AFF4: variants seen among roughly 807,000 people sequenced by gnomAD.
The protein encoded by AFF4 is ALF transcription elongation factor 4.
A neutral mutation model predicts 124.8 loss-of-function variants in AFF4; 13 were observed. The ratio of observed to expected loss-of-function variants is 0.10; its 90% CI spans 0.07 to 0.17. The LOEUF (loss-of-function observed/expected upper bound fraction) is 0.17. Among genes scored for constraint, AFF4 ranks in the 10% least tolerant of loss-of-function variants. The probability of loss-of-function intolerance (pLI) is 1.00; values close to 1 mark genes in which losing one functional copy is unlikely to be tolerated. For synonymous variants in AFF4, 477 were observed against 496.1 expected (o/e 0.96, Z 0.51); for missense variants, 1,092 against 1,403.8 (o/e 0.78, Z 3.55).
At chr5:132,946,465 A>G (rs1195863523) in intron 1 of AFF4, among the ~76,000 whole-genome samples, 2 of 152,252 alleles carry the variant, frequency 1.3e-5, no homozygotes. Flanking sequence ...AATGTGGTAT[A>G]TATACACACA....
chr5:132,888,928 C>T, intron 14 of AFF4, 151 bp downstream of exon 14: 1 of 640,786 alleles, frequency 1.6e-6, no homozygotes. Context: ...AAACTCCTGA[C>T]CTCGTGATCT....
chr5:132,949,209 CTT>C (rs368713051), intron 1 of AFF4, among the ~76,000 whole-genome samples: 2,763 of 112,118 alleles, frequency 0.025, 106 homozygotes, highest in East Asian at 0.23. Context: ...TTATTTCTGC[CTT>C]TTTTTTTTTT....
chr5:132,881,114 C>T lies in AFF4; in HGVS notation c.3437G>A (p.Arg1146His), dbSNP rs754390522. The T allele has an allele frequency of 4.3e-6, 7 of 1,614,174 alleles. No individual in the cohort carries two copies. The highest frequency in any genetic ancestry group is 4.5e-5 in the East Asian group (2 of 44,880). Residue 1146 changes from arginine (R) to histidine (H), a missense_variant, in exon 21 of 21, where the codon CGT (arginine) becomes CAT (histidine). Arg to His is a conservative substitution (Grantham distance 29). Coordinates refer to ENST00000265343, the MANE Select transcript of AFF4 (RefSeq NM_014423.4). Reference protein sequence around the residue: ...FNASIMTDLVRYTRQGLHWLR... With the variant: ...FNASIMTDLVHYTRQGLHWLR... ...CCAGTGCAGTCCCTGCCGGGTATAA[C>T]GAACTAGATCTGTCATGATGCTTGC...
chr5:132,933,674 G>C (rs1247008640), intron 3 of AFF4, among the ~76,000 whole-genome samples: 3 of 152,158 alleles, frequency 2.0e-5, no homozygotes, highest in Non-Finnish European at 4.4e-5. Flanking sequence ...AGTATAACCA[G>C]AGAAAAGGAT....
intron 4 of AFF4, among the ~76,000 whole-genome samples, chr5:132,931,063 C>T (rs1282083438): frequency 4.8e-5 from 7 of 144,612 alleles, no homozygotes; most frequent in South Asian, 2.2e-4. Flanking sequence ...GCTGAGATCA[C>T]GCCACTGCAC....
At chr5:132,915,700 T>A (rs1760893438) in intron 5 of AFF4, among the ~76,000 whole-genome samples, 1 of 151,444 alleles carries the variant, frequency 6.6e-6, no homozygotes, top group African/African-American at 2.4e-5. Flanking sequence ...CCTGGGTAGC[T>A]GGGACTACAA....
At chr5:132,937,005 A>G in intron 2 of AFF4, 62 bp downstream of exon 2, 1 of 1,548,902 alleles carries the variant, frequency 6.5e-7, no homozygotes, top group Non-Finnish European at 8.8e-7. Flanking sequence ...CAAGTGTGAA[A>G]CATTTTAAAA....
intron 1 of AFF4, among the ~76,000 whole-genome samples, chr5:132,938,380 A>G (rs1258384816): frequency 2.0e-5 from 3 of 150,734 alleles, no homozygotes; most frequent in African/African-American, 7.3e-5. Flanking sequence ...CGATTCTCCT[A>G]CCTCAGCCTC....
intron 5 of AFF4, 75 bp downstream of exon 5, chr5:132,927,046 T>G (rs1322368794): frequency 9.2e-6 from 12 of 1,304,838 alleles, no homozygotes; most frequent in Non-Finnish European, 2.2e-6. Context: ...GGCAAGACAA[T>G]TTTTAATCCA....
intron 1 of AFF4, among the ~76,000 whole-genome samples, chr5:132,960,507 T>C (rs1330829840): frequency 6.6e-6 from 1 of 152,210 alleles, no homozygotes; most frequent in Non-Finnish European, 1.5e-5. Flanking sequence ...AATACCTGTT[T>C]TATTTGTTCC....
chr5:132,911,528 T>C (rs563227894), intron 5 of AFF4, among the ~76,000 whole-genome samples: 7 of 148,480 alleles, frequency 4.7e-5, no homozygotes, highest in Admixed American at 1.3e-4. Context: ...CCATGCAAAA[T>C]GGAGCAATAC....
intron 5 of AFF4, chr5:132,926,316 T>C: frequency 2.5e-6 from 1 of 398,056 alleles, no homozygotes; most frequent in Non-Finnish European, 5.0e-6. Flanking sequence ...TATTTCTGTA[T>C]TATTTGTTTT....
At chr5:132,932,667 C>A (rs1040325813) in intron 3 of AFF4, among the ~76,000 whole-genome samples, 7 of 152,126 alleles carry the variant, frequency 4.6e-5, no homozygotes, top group Admixed American at 2.0e-4. Flanking sequence ...AGCAGTAGGA[C>A]GTAAGTAACT....
intron 1 of AFF4, among the ~76,000 whole-genome samples, chr5:132,942,306 A>G (rs1197376376): frequency 6.6e-6 from 1 of 152,172 alleles, no homozygotes; most frequent in Non-Finnish European, 1.5e-5. Context: ...ATTTTAAAGG[A>G]TATAAATAAA....
intron 4 of AFF4, among the ~76,000 whole-genome samples, chr5:132,928,083 A>G (rs1182754330): frequency 6.6e-6 from 1 of 152,198 alleles, no homozygotes; most frequent in African/African-American, 2.4e-5. Context: ...CTAGGAATTT[A>G]TCCCATAGCA....
At position 132,918,871 on chromosome 5, in the gene AFF4, C is replaced by CA. The variant is rs1219497026; in HGVS notation, c.1050+8249dup. On this transcript the variant is annotated intron_variant, in intron 5 of 20. Transcript: ENST00000265343. ...CACAAGACTTTTATGTTGAAATTGACAAGGTGTTGTTTGTTTGTTTTTTTT... is the reference window on the plus strand; with the variant it reads ...CACAAGACTTTTATGTTGAAATTGACAAAGGTGTTGTTTGTTTGTTTTTTTT... Among the ~76,000 whole-genome samples the CA allele has an allele frequency of 2.0e-5, 3 of 148,792 alleles. No homozygotes were observed. In the Admixed American group the frequency reaches 2.0e-4, roughly 10 times the overall value.
intron 1 of AFF4, among the ~76,000 whole-genome samples, chr5:132,952,730 C>G (rs1055304510): frequency 5.9e-5 from 9 of 152,038 alleles, no homozygotes; most frequent in African/African-American, 2.2e-4. Context: ...TCCGTCTCTG[C>G]TAAAAATAAC....
chr5:132,935,725 T>A (rs1283427734), intron 2 of AFF4, among the ~76,000 whole-genome samples: 1 of 145,332 alleles, frequency 6.9e-6, no homozygotes, highest in Non-Finnish European at 1.5e-5. Context: ...GAGCAGAGAT[T>A]GCGTCATTGC....
At chr5:132,908,301 C>T (rs967351201) in intron 5 of AFF4, among the ~76,000 whole-genome samples, 1 of 151,974 alleles carries the variant, frequency 6.6e-6, no homozygotes, top group Non-Finnish European at 1.5e-5. Context: ...GACAACAAAA[C>T]CTTTCTTACA....
Sources: allele counts gnomAD v4.1 joint callset (sites outside exome capture counted in the v4.1 genomes callset), GRCh38; gene constraint gnomAD v4.1.1; transcripts MANE v1.5; gene names NCBI Gene and HGNC (gene_info 2026-07-23, HGNC 2026-07-21).